Variants in FOCAD observed in about 807,000 individuals in gnomAD.
The protein encoded by FOCAD is focadhesin, also known as KIAA1797.
Under a neutral mutation model 225.6 loss-of-function variants are expected in FOCAD, and 198 were observed. The ratio of observed to expected loss-of-function variants is 0.88; its 90% confidence interval spans 0.78 to 0.99. FOCAD has a LOEUF of 0.99. FOCAD is among the 50% of genes least tolerant of loss of function. The pLI is 0.00. For missense variants in FOCAD, 2,713 were observed against 2,123.6 expected (o/e 1.28, Z -5.46); for synonymous variants, 897 against 755.0 (o/e 1.19, Z -3.08).
chr9:20,792,196 C>G (rs1340842996), intron 11 of FOCAD, among the ~76,000 whole-genome samples: 2 of 152,142 alleles, frequency 1.3e-5, no homozygotes, highest in Non-Finnish European at 2.9e-5. Context: ...TCCTATGTTT[C>G]TATCCATAAG....
intron 1 of FOCAD, among the ~76,000 whole-genome samples, chr9:20,709,142 A>C (rs1824630998): frequency 6.6e-6 from 1 of 152,158 alleles, no homozygotes; most frequent in Non-Finnish European, 1.5e-5. Flanking sequence ...TTTTCTTGGA[A>C]GTATTCTTAG....
At chr9:20,661,393 A>T (rs12342305) in intron 2 of FOCAD, among the ~76,000 whole-genome samples, 1 of 152,126 alleles carries the variant, frequency 6.6e-6, no homozygotes, top group East Asian at 1.9e-4. Context: ...TTGTCTCAAG[A>T]CTGGGTTTTG....
intron 43 of FOCAD, among the ~76,000 whole-genome samples, chr9:20,993,956 C>T (rs1431182251): frequency 6.6e-6 from 1 of 152,084 alleles, no homozygotes; most frequent in African/African-American, 2.4e-5. Context: ...GTCCCATTGC[C>T]CAATGACAAT....
At chr9:20,660,321 C>T (rs957478606) in intron 2 of FOCAD, among the ~76,000 whole-genome samples, 4 of 152,120 alleles carry the variant, frequency 2.6e-5, no homozygotes, top group African/African-American at 9.7e-5. Context: ...TACTGTTATT[C>T]CCATTTTAAA....
chr9:20,752,347 G>C (rs1221630231), intron 5 of FOCAD, among the ~76,000 whole-genome samples: 2 of 151,048 alleles, frequency 1.3e-5, no homozygotes, highest in Non-Finnish European at 1.5e-5. Context: ...AAGGTGTAAG[G>C]AAGGGATCCA....
intron 5 of FOCAD, among the ~76,000 whole-genome samples, chr9:20,742,706 A>G (rs1283326204): frequency 5.3e-5 from 8 of 152,188 alleles, no homozygotes; most frequent in African/African-American, 1.9e-4. Context: ...ACCGTGTGCA[A>G]TTGTTAGACC....
intron 11 of FOCAD, among the ~76,000 whole-genome samples, chr9:20,803,776 G>A (rs1286638109): frequency 6.6e-6 from 1 of 152,080 alleles, no homozygotes; most frequent in Non-Finnish European, 1.5e-5. Flanking sequence ...GGACCTGTTC[G>A]AGGTGAAGAC....
intron 19 of FOCAD, among the ~76,000 whole-genome samples, chr9:20,877,091 A>G (rs1830285989): frequency 6.6e-6 from 1 of 152,144 alleles, no homozygotes; most frequent in Admixed American, 6.5e-5. Context: ...TGATATTAAA[A>G]CCAGAAAATT....
Position 20,979,903 on chromosome 9 carries a change from A to G in FOCAD, c.4377+1449A>G, listed in dbSNP as rs988143012. Among the ~76,000 whole-genome samples the G allele has an allele frequency of 7.9e-5, 12 of 152,282 alleles. No individual in the cohort carries two copies. In the East Asian group the frequency reaches 1.2e-3, roughly 15 times the overall value. On this transcript the variant is annotated intron_variant, in intron 37 of 43. Coordinates refer to ENST00000338382, the MANE Select transcript of FOCAD (RefSeq NM_001375567.1). ...AAGTAGCTTTGTTGAGTTATAATCT[A>G]TATAGCCTAAAATATGGCTGTTTTA...
chr9:20,940,795 G>A (rs1339752447), intron 28 of FOCAD, among the ~76,000 whole-genome samples: 1 of 152,274 alleles, frequency 6.6e-6, no homozygotes, highest in East Asian at 1.9e-4. Context: ...CTTAATAAGT[G>A]GCAGAGCCAA....
chr9:20,722,169 A>G (rs925765023), intron 4 of FOCAD, among the ~76,000 whole-genome samples: 3 of 150,730 alleles, frequency 2.0e-5, no homozygotes, highest in African/African-American at 7.3e-5. Context: ...CAGCCTCCTA[A>G]GTAGCTGGGA....
At chr9:20,956,054 A>G (rs1838108932) in intron 35 of FOCAD, among the ~76,000 whole-genome samples, 1 of 152,216 alleles carries the variant, frequency 6.6e-6, no homozygotes. Flanking sequence ...TCCACGTAAT[A>G]GTCATTATGA....
chr9:20,922,208 C>G (rs1438348069), intron 24 of FOCAD, among the ~76,000 whole-genome samples: 2 of 152,168 alleles, frequency 1.3e-5, no homozygotes, highest in South Asian at 2.1e-4. Context: ...TTGTAGAACT[C>G]TAGCAAAACC....
rs1025375397 is a variant in FOCAD at position 20,874,569 on chromosome 9, G to A, written c.2191-112G>A. On this transcript the variant is annotated intron_variant, in intron 18 of 43. Coordinates refer to ENST00000338382, the MANE Select transcript of FOCAD (RefSeq NM_001375567.1). ...TTTCAGTGGTCTTTTATGTTATAGA[G>A]TGATGGAGTCTAACAAAATTTTAAA... 48 of 1,052,098 alleles carry A rather than the reference G, an allele frequency of 4.6e-5. No homozygotes were observed. In the Admixed American group the frequency reaches 1.2e-3, roughly 25 times the overall value. 65.2% of individuals were successfully genotyped at this position (1,052,098 alleles called of 1,614,324 possible).
upstream of FOCAD, among the ~76,000 whole-genome samples, chr9:20,682,771 TTGATTGATTGAA>T (rs1822437911): frequency 6.6e-6 from 1 of 152,162 alleles, no homozygotes; most frequent in Non-Finnish European, 1.5e-5. Flanking sequence ...AGGTTCAATA[TTGATTGATTGAA>T]TGATTGATTG....
chr9:20,969,831 T>C lies in FOCAD; in HGVS notation c.4133-6589T>C, dbSNP rs1244248232. 2.0e-5 allele frequency among the ~76,000 whole-genome samples: 3 copies of C among 151,928 alleles called. No individual in the cohort carries two copies. The East Asian group carries it at 5.8e-4, about 29-fold the overall frequency. On this transcript the variant is annotated intron_variant, in intron 35 of 43. Coordinates refer to ENST00000338382, the MANE Select transcript of FOCAD (RefSeq NM_001375567.1). ...TCAAATTATTATCTAGATTACTATT[T>C]AGTGTCCTTTTATTTTAGCCTTGAG...
intron 28 of FOCAD, among the ~76,000 whole-genome samples, chr9:20,939,564 C>A (rs905809117): frequency 2.0e-5 from 3 of 152,044 alleles, no homozygotes; most frequent in African/African-American, 7.2e-5. Context: ...GATGAATTAC[C>A]CACCATACAG....
chr9:20,877,938 G>A (rs1038287241), intron 19 of FOCAD, among the ~76,000 whole-genome samples: 1 of 151,906 alleles, frequency 6.6e-6, no homozygotes, highest in Admixed American at 6.6e-5. Context: ...AAACCCCAAC[G>A]GGTTACCACT....
Position 20,993,312 on chromosome 9 carries a change from C to T in FOCAD, c.5316C>T (p.Ser1772=). Residue 1772 remains serine (S), a synonymous_variant, in exon 43 of 44, where the codon TCC becomes TCT. Transcript: ENST00000338382. ...ESPKEALSAQ[S]RDLLKATLLS... ...CTAAAGAAGCCCTCTCAGCACAGTCCAGGGATCTTTTGAAAGGTATTACTT... is the reference window on the plus strand; with the variant it reads ...CTAAAGAAGCCCTCTCAGCACAGTCTAGGGATCTTTTGAAAGGTATTACTT... The T allele has an allele frequency of 1.2e-6, 2 of 1,613,574 alleles. No homozygotes were observed. The highest frequency in any genetic ancestry group is 8.5e-7 in the Non-Finnish European group (1 of 1,179,608).
Sources: allele counts gnomAD v4.1 joint callset (sites outside exome capture counted in the v4.1 genomes callset), GRCh38; gene constraint gnomAD v4.1.1; transcripts MANE v1.5; gene names NCBI Gene and HGNC (gene_info 2026-07-23, HGNC 2026-07-21).